PSKH1: variants seen among roughly 807,000 people sequenced by gnomAD.
The protein encoded by PSKH1 is protein serine kinase H1, also known as serine/threonine-protein kinase H1.
PSKH1 carries 12 observed loss-of-function variants against 26.7 expected under a neutral mutation model. The observed-to-expected ratio is 0.45, with a 90% CI of 0.29 to 0.73. The LOEUF (loss-of-function observed/expected upper bound fraction) is 0.73, where lower values mean the gene tolerates loss of function less well. PSKH1 is among the 30% of genes least tolerant of loss of function. PSKH1 has a pLI of 0.11. For synonymous variants in PSKH1, 213 were observed against 234.3 expected (o/e 0.91, Z 0.83); for missense variants, 431 against 595.2 (o/e 0.72, Z 2.87).
At chr16:67,899,457 T>A (rs1294587810) in intron 1 of PSKH1, among the ~76,000 whole-genome samples, 1 of 148,604 alleles carries the variant, frequency 6.7e-6, no homozygotes, top group Non-Finnish European at 1.5e-5. Flanking sequence ...TGCCTCAGCC[T>A]CCTGAGTAGC....
intron 1 of PSKH1, among the ~76,000 whole-genome samples, chr16:67,907,300 G>T (rs1473346166): frequency 6.7e-6 from 1 of 149,824 alleles, no homozygotes; most frequent in Non-Finnish European, 1.5e-5. Flanking sequence ...TCACTCTTTT[G>T]TCCAGGCTGG....
intron 2 of PSKH1, among the ~76,000 whole-genome samples, chr16:67,913,646 C>A (rs1044513873): frequency 2.6e-5 from 4 of 152,092 alleles, no homozygotes; most frequent in Admixed American, 2.6e-4. Context: ...TCTGTCCTCA[C>A]CTCCATGCAG....
intron 2 of PSKH1, among the ~76,000 whole-genome samples, chr16:67,919,280 A>G (rs1395564778): frequency 1.3e-5 from 2 of 152,124 alleles, no homozygotes; most frequent in African/African-American, 4.8e-5. Flanking sequence ...ACTGTGATGG[A>G]CCCATCAGCT....
At chr16:67,906,068 T>C (rs913647547) in intron 1 of PSKH1, among the ~76,000 whole-genome samples, 1 of 152,110 alleles carries the variant, frequency 6.6e-6, no homozygotes, top group Non-Finnish European at 1.5e-5. Flanking sequence ...GTTCTATTTG[T>C]CATAATTTTT....
chr16:67,923,522 G>C (rs552352127), intron 2 of PSKH1, among the ~76,000 whole-genome samples: 1 of 152,330 alleles, frequency 6.6e-6, no homozygotes, highest in South Asian at 2.1e-4. Flanking sequence ...TGTCACCCTG[G>C]GTATGGAAGC....
At chr16:67,911,115 G>A (rs145967081) in intron 2 of PSKH1, among the ~76,000 whole-genome samples, 2 of 152,358 alleles carry the variant, frequency 1.3e-5, no homozygotes, top group East Asian at 3.9e-4. Context: ...GGAAGGCTGT[G>A]AAGAAGAGAG....
intron 2 of PSKH1, among the ~76,000 whole-genome samples, chr16:67,924,167 T>C (rs2058210206): frequency 6.6e-6 from 1 of 152,228 alleles, no homozygotes; most frequent in Non-Finnish European, 1.5e-5. Context: ...CTTGAGTCAC[T>C]TTGGCTTGGG....
At position 67,902,288 on chromosome 16, in the gene PSKH1, C is replaced by T. The variant is rs143975623; in HGVS notation, c.-70-6392C>T. ...AAAAAAAAAAGAAATAAAAATGAAT[C>T]GAAAAGTTAGACCTTTTGTTTTTTG... On this transcript the variant is annotated intron_variant, in intron 1 of 2. Transcript: ENST00000291041. Among the ~76,000 whole-genome samples, 70 of 151,766 alleles carry T rather than the reference C, an allele frequency of 4.6e-4. No individual in the cohort carries two copies. In the East Asian group the frequency reaches 0.011, roughly 25 times the overall value.
intron 2 of PSKH1, among the ~76,000 whole-genome samples, chr16:67,914,232 C>G (rs2058180682): frequency 1.3e-5 from 2 of 152,090 alleles, no homozygotes; most frequent in African/African-American, 4.8e-5. Flanking sequence ...TCACTGCAAC[C>G]TACGCCTCCT....
chr16:67,895,132 A>G (rs2058122510), intron 1 of PSKH1, among the ~76,000 whole-genome samples: 1 of 152,014 alleles, frequency 6.6e-6, no homozygotes, highest in Non-Finnish European at 1.5e-5. Context: ...CGTGTTGGCC[A>G]GGCTGGTCTC....
chr16:67,904,064 G>A (rs1172584426), intron 1 of PSKH1, among the ~76,000 whole-genome samples: 2 of 149,206 alleles, frequency 1.3e-5, no homozygotes, highest in Admixed American at 1.3e-4. Context: ...TGCCCAGGCT[G>A]GAATGCAGTG....
chr16:67,900,548 C>T lies in PSKH1; in HGVS notation c.-71+7177C>T, dbSNP rs530067690. ...AGGCCCAGCACTGCTGGAGTCTTTC[C>T]GGAGTGATAGAAGGAGCCCCAGATG... On this transcript the variant is annotated intron_variant, in intron 1 of 2. Coordinates refer to ENST00000291041, the MANE Select transcript of PSKH1 (RefSeq NM_006742.3). Among the ~76,000 whole-genome samples the T allele has an allele frequency of 2.9e-4, 44 of 152,248 alleles. 1 individual carries two copies. Among genetic ancestry groups the T allele is most frequent in the African/African-American group, 9.6e-4 (40 of 41,512 alleles).
chr16:67,928,326 G>T lies in PSKH1; in HGVS notation c.*684G>T, dbSNP rs540750866. ...CCTTCTGGACTGTGTGGCCATGCTGGTCATCGGCTTGCCCAGGCTCCAGCC... is the reference window on the plus strand; with the variant it reads ...CCTTCTGGACTGTGTGGCCATGCTGTTCATCGGCTTGCCCAGGCTCCAGCC... On this transcript the variant is annotated 3_prime_UTR_variant, in exon 3 of 3. Coordinates refer to ENST00000291041, the MANE Select transcript of PSKH1 (RefSeq NM_006742.3). This position sits in a 1 kb window ranked among gnomAD's most constrained non-coding sequence, Gnocchi z 4.8. 6.5e-6 allele frequency: 1 copy of T among 152,854 alleles called. No individual in the cohort carries two copies. Among genetic ancestry groups the T allele is most frequent in the East Asian group, 1.9e-4 (1 of 5,174 alleles). The allele number at this position is 152,854 out of a possible 1,614,324, so 9.5% of individuals were successfully genotyped here. A position where few individuals can be genotyped will look rare whatever the true frequency, so the allele number is the denominator to read the frequency against.
chr16:67,906,663 C>T (rs910721227), intron 1 of PSKH1, among the ~76,000 whole-genome samples: 1 of 152,120 alleles, frequency 6.6e-6, no homozygotes, highest in Non-Finnish European at 1.5e-5. Context: ...CCGGGCCCAG[C>T]CTGTGTGTCA....
rs1186493255 is a variant in PSKH1, at chr16:67,927,604, G to A, written c.1237G>A (p.Glu413Lys). ...SRRVRERELRELNLRYQQQYN... is the reference protein window; with the variant it reads ...SRRVRERELRKLNLRYQQQYN... ...CCGTGTGCGGGAACGGGAGCTGCGG[G>A]AGCTCAACCTGCGCTACCAGCAGCA... The change falls in exon 3 of 3, where the codon GAG (glutamate) becomes AAG (lysine). Residue 413 changes from glutamate (E) to lysine (K), a missense_variant. Physicochemically the swap from Glu to Lys is moderately conservative, Grantham distance 56 (BLOSUM62 1). Transcript: ENST00000291041. This position sits in a 1 kb window ranked among gnomAD's most constrained non-coding sequence, Gnocchi z 5.5. 1 of 1,610,828 alleles carries A rather than the reference G, an allele frequency of 6.2e-7. No individual in the cohort carries two copies. The highest frequency in any genetic ancestry group is 8.5e-7 in the Non-Finnish European group (1 of 1,179,812).
chr16:67,905,333 A>G (rs2058153331), intron 1 of PSKH1, among the ~76,000 whole-genome samples: 1 of 151,986 alleles, frequency 6.6e-6, no homozygotes, highest in Non-Finnish European at 1.5e-5. Flanking sequence ...CTGCCTTTGT[A>G]CCACCAAACT....
At chr16:67,925,620 G>A (rs1185461023) in intron 2 of PSKH1, among the ~76,000 whole-genome samples, 1 of 152,152 alleles carries the variant, frequency 6.6e-6, no homozygotes, top group Non-Finnish European at 1.5e-5. Context: ...TTGGCTGCAT[G>A]CTCCTGGACC....
chr16:67,919,042 C>A (rs2058195025), intron 2 of PSKH1, among the ~76,000 whole-genome samples: 1 of 152,144 alleles, frequency 6.6e-6, no homozygotes, highest in Admixed American at 6.5e-5. Context: ...CCCTCCCTGC[C>A]CCTCATCTCC....
At chr16:67,916,448 G>A (rs1231279155) in intron 2 of PSKH1, among the ~76,000 whole-genome samples, 1 of 152,170 alleles carries the variant, frequency 6.6e-6, no homozygotes, top group Non-Finnish European at 1.5e-5. Context: ...AAAGCTTCCT[G>A]CAGAAGATGA....
Sources: gnomAD v4.1 joint callset for allele counts (sites outside exome capture counted in the v4.1 genomes callset) on GRCh38, gnomAD v4.1.1 for gene constraint, Gnocchi (gnomAD v3.1) non-coding constraint, MANE v1.5 for transcripts, NCBI Gene and HGNC (gene_info 2026-07-23, HGNC 2026-07-21) for gene names.